PLPP1: variants seen among roughly 807,000 people sequenced by gnomAD.
PLPP1 encodes lipid phosphate phosphohydrolase 1a.
PLPP1 carries 24 observed loss-of-function variants against 31.2 expected under a neutral mutation model. The ratio of observed to expected loss-of-function variants is 0.77; its 90% CI spans 0.56 to 1.08. PLPP1 has a LOEUF of 1.08. Ranked by LOEUF, PLPP1 falls within the 50% of genes least tolerant of loss-of-function variation. The pLI is 0.00. For missense variants in PLPP1, 319 were observed against 342.7 expected (o/e 0.93, Z 0.55); for synonymous variants, 146 against 126.3 (o/e 1.16, Z -1.05).
intron 4 of PLPP1, among the ~76,000 whole-genome samples, chr5:55,437,524 TGA>T (rs1561222971): frequency 1.9e-4 from 26 of 139,480 alleles, no homozygotes; most frequent in Non-Finnish European, 1.6e-4. Flanking sequence ...GACCTTTCAC[TGA>T]AAAAAAAAAA....
At chr5:55,451,084 C>T (rs896408408) in intron 3 of PLPP1, among the ~76,000 whole-genome samples, 2 of 152,160 alleles carry the variant, frequency 1.3e-5, no homozygotes, top group Admixed American at 1.3e-4. Flanking sequence ...TATGACCCTC[C>T]TGCAGATAAT....
At chr5:55,500,565 T>C (rs1277220589) in intron 1 of PLPP1, among the ~76,000 whole-genome samples, 1 of 152,202 alleles carries the variant, frequency 6.6e-6, no homozygotes, top group Admixed American at 6.5e-5. Context: ...TTCTACTGTA[T>C]ATACTTCCAT....
chr5:55,451,508 G>C (rs1277150903), intron 3 of PLPP1, among the ~76,000 whole-genome samples: 3 of 151,596 alleles, frequency 2.0e-5, no homozygotes, highest in African/African-American at 7.3e-5. Context: ...TACAGCTCAT[G>C]TTACCAGGAG....
chr5:55,485,966 T>A (rs1752767543), intron 1 of PLPP1, among the ~76,000 whole-genome samples: 2 of 152,134 alleles, frequency 1.3e-5, no homozygotes, highest in African/African-American at 2.4e-5. Flanking sequence ...CCAGGATAAA[T>A]TCCTTCCAGT....
At chr5:55,448,203 A>C (rs1360423707) in intron 3 of PLPP1, among the ~76,000 whole-genome samples, 1 of 152,210 alleles carries the variant, frequency 6.6e-6, no homozygotes, top group African/African-American at 2.4e-5. Context: ...TGGCAATGAG[A>C]TATCAGATTA....
intron 1 of PLPP1, chr5:55,530,788 T>G: frequency 2.7e-6 from 4 of 1,506,886 alleles, no homozygotes; most frequent in South Asian, 1.1e-5. Context: ...GAAAACGTGC[T>G]GACAGGGCGC....
chr5:55,450,149 TAGAG>T (rs1214681150), intron 3 of PLPP1, among the ~76,000 whole-genome samples: 1 of 152,196 alleles, frequency 6.6e-6, no homozygotes, highest in African/African-American at 2.4e-5. Flanking sequence ...CCACATTACA[TAGAG>T]AGACACATAC....
rs1752883852 is a variant in PLPP1, at chr5:55,491,358, C to A, written c.59-15908G>T. Reference sequence around the variant, plus strand: ...ATTGACCTCCGATTTTAGAAATAAACAATAAAAGAGACTTCCACAAGGAGG... The same window carrying A: ...ATTGACCTCCGATTTTAGAAATAAAAAATAAAAGAGACTTCCACAAGGAGG... On this transcript the variant is annotated intron_variant, in intron 1 of 5. Transcript: ENST00000307259. Among the ~76,000 whole-genome samples the A allele has an allele frequency of 2.0e-5, 3 of 151,972 alleles. No individual in the cohort carries two copies. Among genetic ancestry groups the A allele is most frequent in the Admixed American group, 2.0e-4 (3 of 15,250 alleles).
At chr5:55,426,939 T>C (rs1055685367) in intron 4 of PLPP1, among the ~76,000 whole-genome samples, 2 of 152,158 alleles carry the variant, frequency 1.3e-5, no homozygotes, top group East Asian at 1.9e-4. Flanking sequence ...ACAGTACTTG[T>C]ATCCCCTTTA....
chr5:55,532,800 T>TACGAAA (rs1340919681), intron 1 of PLPP1, among the ~76,000 whole-genome samples: 75 of 151,550 alleles, frequency 4.9e-4, no homozygotes, highest in African/African-American at 1.6e-3. Context: ...CTACTAAAAA[T>TACGAAA]ACGAAAGTTA....
rs1751136212 is a variant in PLPP1 at position 55,425,077 on chromosome 5, C to T, written c.*129G>A. Reference sequence around the variant, plus strand: ...ACTATGTACACACAAAGTGTGCATCCAAGAGGCATAGCAGCAGCAGAAGTC... The same window carrying T: ...ACTATGTACACACAAAGTGTGCATCTAAGAGGCATAGCAGCAGCAGAAGTC... On this transcript the variant is annotated 3_prime_UTR_variant, in exon 6 of 6. Transcript: ENST00000307259. 4 of 1,241,788 alleles carry T rather than the reference C, an allele frequency of 3.2e-6. No homozygotes were observed. In the East Asian group the frequency reaches 9.3e-5, roughly 29 times the overall value. The allele number at this position is 1,241,788 out of a possible 1,614,324, so 76.9% of individuals were successfully genotyped here.
intron 1 of PLPP1, among the ~76,000 whole-genome samples, chr5:55,511,732 C>G (rs569332250): frequency 6.4e-5 from 8 of 125,522 alleles, no homozygotes; most frequent in African/African-American, 2.4e-4. Context: ...GGCGCGATCT[C>G]TGCTCACTGC....
intron 1 of PLPP1, among the ~76,000 whole-genome samples, chr5:55,521,850 T>A (rs1183410382): frequency 1.3e-5 from 2 of 152,230 alleles, no homozygotes; most frequent in African/African-American, 4.8e-5. Context: ...TTACATGAGT[T>A]CATGTGAAAC....
rs113718149 is a variant in PLPP1 at position 55,521,069 on chromosome 5, G to A, written c.58+13503C>T. On this transcript the variant is annotated intron_variant, in intron 1 of 5. Transcript: ENST00000307259. ...TCTACCGAAAAATCAAAAATTAGCC[G>A]GAGCTGGGGGCGGTGGCTCATGCCT... Among the ~76,000 whole-genome samples the A allele has an allele frequency of 6.5e-3, 988 of 152,012 alleles. 15 individuals are homozygous for A. The highest frequency in any genetic ancestry group is 0.021 in the African/African-American group (873 of 41,454).
At chr5:55,518,577 T>C (rs1422357402) in intron 1 of PLPP1, among the ~76,000 whole-genome samples, 1 of 152,130 alleles carries the variant, frequency 6.6e-6, no homozygotes, top group South Asian at 2.1e-4. Context: ...CAGGGATCAT[T>C]TTCCTATATT....
intron 3 of PLPP1, among the ~76,000 whole-genome samples, chr5:55,455,302 C>G (rs1722848174): frequency 6.6e-6 from 1 of 152,134 alleles, no homozygotes; most frequent in Admixed American, 6.6e-5. Context: ...AATAGACCAG[C>G]TAGGCCGGGC....
chr5:55,463,962 G>C (rs1458583670), intron 3 of PLPP1, among the ~76,000 whole-genome samples: 2 of 151,328 alleles, frequency 1.3e-5, no homozygotes, highest in Non-Finnish European at 2.9e-5. Flanking sequence ...TTTTTTTAAT[G>C]GGTAAAAGAG....
intron 2 of PLPP1, among the ~76,000 whole-genome samples, chr5:55,468,816 A>AATAC (rs1347717479): frequency 1.8e-4 from 27 of 152,264 alleles, no homozygotes; most frequent in African/African-American, 3.8e-4. Context: ...TAAATAAATA[A>AATAC]ATACATACAT....
chr5:55,444,099 T>TG (rs1346292564), intron 3 of PLPP1, among the ~76,000 whole-genome samples: 10 of 151,898 alleles, frequency 6.6e-5, no homozygotes, highest in African/African-American at 2.4e-4. Context: ...TTTTTTTTTT[T>TG]GAGACAGAGT....
Sources: gnomAD v4.1 joint callset for allele counts (sites outside exome capture counted in the v4.1 genomes callset) on GRCh38, gnomAD v4.1.1 for gene constraint, MANE v1.5 for transcripts, NCBI Gene and HGNC (gene_info 2026-07-23, HGNC 2026-07-21) for gene names.